The following ABCC1 variants were observed in gnomAD, a reference collection of about 807,000 sequenced individuals.
ABCC1 encodes the protein ATP binding cassette subfamily C member 1 (ABCC1 blood group).
A neutral mutation model predicts 172.9 loss-of-function variants in ABCC1; 83 were observed. The observed-to-expected ratio is 0.48, with a 90% confidence interval of 0.40 to 0.58. The LOEUF is 0.58. ABCC1 is among the 20% of genes least tolerant of loss of function. The pLI is 0.00. For synonymous variants in ABCC1, 937 were observed against 825.2 expected (o/e 1.14, Z -2.32); for missense variants, 1,817 against 2,002.7 (o/e 0.91, Z 1.77).
chr16:15,998,572 C>G (rs778733520), intron 1 of ABCC1, among the ~76,000 whole-genome samples: 3 of 152,208 alleles, frequency 2.0e-5, no homozygotes, highest in African/African-American at 7.2e-5. Context: ...GATTTCCTCT[C>G]GTCATGCCTT....
chr16:16,038,997 C>G (rs1045688948), intron 7 of ABCC1, among the ~76,000 whole-genome samples: 6 of 152,166 alleles, frequency 3.9e-5, no homozygotes, highest in Non-Finnish European at 7.3e-5. Flanking sequence ...GCAGATGAAA[C>G]TGACTGCTGC....
intron 23 of ABCC1, among the ~76,000 whole-genome samples, chr16:16,121,468 A>T (rs1237275603): frequency 1.3e-5 from 2 of 152,248 alleles, no homozygotes; most frequent in Non-Finnish European, 2.9e-5. Flanking sequence ...CGTTGACCTC[A>T]AAGCCTATGC....
intron 24 of ABCC1, among the ~76,000 whole-genome samples, chr16:16,124,403 G>GTGGGTA (rs2045339622): frequency 6.8e-6 from 1 of 147,158 alleles, no homozygotes. Context: ...GTGTGTGTGT[G>GTGGGTA]TGTGTGTATG....
intron 10 of ABCC1, among the ~76,000 whole-genome samples, chr16:16,049,154 G>GT (rs1435881495): frequency 1.3e-5 from 2 of 152,168 alleles, no homozygotes; most frequent in Non-Finnish European, 2.9e-5. Context: ...ATCATTCTCA[G>GT]TGGTACTTCC....
At chr16:16,130,583 CTG>C (rs2045634676) in intron 26 of ABCC1, among the ~76,000 whole-genome samples, 1 of 152,154 alleles carries the variant, frequency 6.6e-6, no homozygotes, top group South Asian at 2.1e-4. Flanking sequence ...ACATGGCACA[CTG>C]TTGTCTAAAC....
At chr16:16,067,929 G>A (rs2050173773) in intron 12 of ABCC1, among the ~76,000 whole-genome samples, 1 of 152,182 alleles carries the variant, frequency 6.6e-6, no homozygotes, top group African/African-American at 2.4e-5. Context: ...GGGAGAGGCC[G>A]GCTCTTTGGG....
intron 27 of ABCC1, among the ~76,000 whole-genome samples, chr16:16,132,244 C>T (rs539187417): frequency 6.6e-6 from 1 of 152,152 alleles, no homozygotes; most frequent in Non-Finnish European, 1.5e-5. Context: ...GGCTAGAGTG[C>T]AGTGGTGTGA....
At chr16:16,062,268 TTCCTGCCCTGTTCCCCA>T (rs1344973906) in intron 12 of ABCC1, among the ~76,000 whole-genome samples, 2 of 152,216 alleles carry the variant, frequency 1.3e-5, no homozygotes, top group Non-Finnish European at 2.9e-5. Context: ...TGCTTATCAC[TTCCTGCCCTGTTCCCCA>T]TTAGGAAACC....
At chr16:15,983,503 G>C (rs9923585) in intron 1 of ABCC1, among the ~76,000 whole-genome samples, 1,824 of 151,574 alleles carry the variant, frequency 0.012, 43 homozygotes, top group African/African-American at 0.042. Flanking sequence ...AGATTTATTA[G>C]GTGTGGAATG....
At chr16:16,115,163 G>A in intron 23 of ABCC1, 87 bp downstream of exon 23, 1 of 1,371,186 alleles carries the variant, frequency 7.3e-7, no homozygotes, top group Non-Finnish European at 9.9e-7. Flanking sequence ...ATCTTACCAT[G>A]TCCCCAGTGT....
chr16:16,108,257 TA>T (rs1286306511), intron 21 of ABCC1, among the ~76,000 whole-genome samples: 3 of 135,276 alleles, frequency 2.2e-5, no homozygotes, highest in Non-Finnish European at 4.8e-5. Flanking sequence ...ACAACACGCT[TA>T]TCGTTTCTTT....
At chr16:16,127,060 A>G (rs932273725) in intron 26 of ABCC1, among the ~76,000 whole-genome samples, 1 of 152,178 alleles carries the variant, frequency 6.6e-6, no homozygotes, top group Non-Finnish European at 1.5e-5. Context: ...GGCCCTGAAC[A>G]GCAGCACAAG....
At chr16:16,029,160 C>T (rs1249394642) in intron 5 of ABCC1, among the ~76,000 whole-genome samples, 1 of 152,182 alleles carries the variant, frequency 6.6e-6, no homozygotes, top group Non-Finnish European at 1.5e-5. Context: ...TTTTATTTAG[C>T]CTTTTATGAT....
chr16:16,132,602 A>T (rs1426279458), intron 27 of ABCC1, among the ~76,000 whole-genome samples: 2 of 138,084 alleles, frequency 1.4e-5, no homozygotes, highest in South Asian at 4.5e-4. Flanking sequence ...GCTCACTGCA[A>T]CTTCTGCCTC....
chr16:15,991,300 G>T (rs1404077515), intron 1 of ABCC1, among the ~76,000 whole-genome samples: 3 of 151,856 alleles, frequency 2.0e-5, no homozygotes, highest in South Asian at 2.1e-4. Context: ...GGTGCGGGGG[G>T]CTATGGGTAT....
At chr16:16,111,660 G>C (rs958325345) in intron 22 of ABCC1, 78 bp downstream of exon 22, 24 of 1,359,846 alleles carry the variant, frequency 1.8e-5, no homozygotes, top group Non-Finnish European at 2.4e-5. Flanking sequence ...TGGATCCTTA[G>C]AGTCCTCAGC....
At chr16:16,022,960 A>G (rs749525626) in intron 5 of ABCC1, among the ~76,000 whole-genome samples, 1 of 152,194 alleles carries the variant, frequency 6.6e-6, no homozygotes, top group Non-Finnish European at 1.5e-5. Context: ...CTCGCAGACT[A>G]GAGTGCAGTG....
intron 1 of ABCC1, among the ~76,000 whole-genome samples, chr16:15,990,441 C>T (rs1211958224): frequency 1.3e-5 from 2 of 152,154 alleles, no homozygotes; most frequent in Non-Finnish European, 2.9e-5. Flanking sequence ...TCTTGTATGA[C>T]CAAAACTTTA....
intron 13 of ABCC1, 124 bp downstream of exon 13, chr16:16,068,426 A>T (rs2050197937): frequency 8.9e-7 from 1 of 1,119,986 alleles, no homozygotes; most frequent in African/African-American, 1.5e-5. Flanking sequence ...TGAGGCCCGG[A>T]CAAAGGCTGC....
Sources: gnomAD v4.1 joint callset for allele counts (sites outside exome capture counted in the v4.1 genomes callset) on GRCh38, gnomAD v4.1.1 for gene constraint, MANE v1.5 for transcripts, NCBI Gene and HGNC (gene_info 2026-07-23, HGNC 2026-07-21) for gene names.